DNAJC1: variants seen among roughly 807,000 people sequenced by gnomAD.
DNAJC1 encodes dnaJ homolog subfamily C member 1.
Under a neutral mutation model 76.6 loss-of-function variants are expected in DNAJC1, and 58 were observed. The ratio of observed to expected loss-of-function variants is 0.76; its 90% CI spans 0.61 to 0.94. The LOEUF is 0.94. DNAJC1 is among the 40% of genes least tolerant of loss of function. The probability of loss-of-function intolerance (pLI) is 0.00; values close to 1 mark genes in which losing one functional copy is unlikely to be tolerated. For missense variants in DNAJC1, 689 were observed against 677.3 expected (o/e 1.02, Z -0.19); for synonymous variants, 258 against 267.9 (o/e 0.96, Z 0.36).
intron 1 of DNAJC1, among the ~76,000 whole-genome samples, chr10:21,964,952 C>T (rs954239057): frequency 2.6e-5 from 4 of 152,086 alleles, no homozygotes; most frequent in African/African-American, 9.7e-5. Flanking sequence ...AAATTTCTCC[C>T]TCTCTTCTGC....
Position 21,920,817 on chromosome 10 carries a change from A to T in DNAJC1, c.518T>A (p.Ile173Asn). ...TVGHYAVVWSIYLEKQLDELL... is the reference protein window; with the variant it reads ...TVGHYAVVWSNYLEKQLDELL... ...ACTTACCAGTTGTTTTTCCAGGTAG[A>T]TTGACCAAACCACAGCATAATGACC... Residue 173 changes from isoleucine to asparagine, a missense_variant, in exon 4 of 12, where the codon ATC (isoleucine) becomes AAC (asparagine). Ile to Asn is a moderately radical substitution (Grantham distance 149). Transcript: ENST00000376980. The T allele has an allele frequency of 1.2e-6, 2 of 1,610,996 alleles. No homozygotes were observed. The highest frequency in any genetic ancestry group is 1.7e-6 in the Non-Finnish European group (2 of 1,178,138).
Position 21,920,724 on chromosome 10 carries a change from G to A in DNAJC1, c.537+74C>T. The A allele has an allele frequency of 3.6e-6, 5 of 1,406,034 alleles. No homozygotes were observed. In the South Asian group the frequency reaches 4.5e-5, roughly 13 times the overall value. The allele number at this position is 1,406,034 out of a possible 1,614,324, so 87.1% of individuals were successfully genotyped here. On this transcript the variant is annotated intron_variant, in intron 4 of 11. Transcript: ENST00000376980. ...CAGAGAGAAACAGAAATTTTCATCA[G>A]TTGAAAAATAAATGTCCAAAATTCC...
intron 8 of DNAJC1, among the ~76,000 whole-genome samples, chr10:21,841,588 A>C (rs1232729799): frequency 6.6e-6 from 1 of 152,210 alleles, no homozygotes; most frequent in Non-Finnish European, 1.5e-5. Context: ...GCGATCATTA[A>C]AAAGTCAGGA....
chr10:21,916,653 C>G (rs949200734), intron 6 of DNAJC1, among the ~76,000 whole-genome samples: 1 of 152,016 alleles, frequency 6.6e-6, no homozygotes, highest in Non-Finnish European at 1.5e-5. Context: ...CAGATAACTT[C>G]GGGTGAAAAA....
At chr10:21,774,654 T>G (rs1382331446) in intron 9 of DNAJC1, among the ~76,000 whole-genome samples, 1 of 152,110 alleles carries the variant, frequency 6.6e-6, no homozygotes, top group Non-Finnish European at 1.5e-5. Flanking sequence ...TTTGTTGTAT[T>G]TTTTAGTAGA....
At position 21,898,595 on chromosome 10, in the gene DNAJC1, C is replaced by T. The variant is rs909217719; in HGVS notation, c.820+5927G>A. 6.6e-5 allele frequency among the ~76,000 whole-genome samples: 10 copies of T among 150,400 alleles called. No homozygotes were observed. The East Asian group carries it at 1.8e-3, about 26-fold the overall frequency. On this transcript the variant is annotated intron_variant, in intron 7 of 11. Transcript: ENST00000376980. ...CAGACAGAGTCTTGCTCTTGTTGCC[C>T]AGGCTGGAGTGCAATGGCGCGATCT...
intron 6 of DNAJC1, among the ~76,000 whole-genome samples, chr10:21,907,918 C>T (rs1457570451): frequency 4.1e-5 from 6 of 145,866 alleles, no homozygotes; most frequent in Non-Finnish European, 7.4e-5. Flanking sequence ...GTGGAGGTTG[C>T]AGTGAGCCAA....
At chr10:21,947,556 T>G (rs1000296713) in intron 1 of DNAJC1, among the ~76,000 whole-genome samples, 14 of 152,230 alleles carry the variant, frequency 9.2e-5, no homozygotes, top group Admixed American at 2.0e-4. Context: ...AAGAATACAG[T>G]ATATGATACA....
At chr10:21,888,974 T>C (rs927726193) in intron 7 of DNAJC1, among the ~76,000 whole-genome samples, 3 of 152,160 alleles carry the variant, frequency 2.0e-5, no homozygotes, top group East Asian at 1.9e-4. Context: ...AAAAAATACA[T>C]AAATAAATAA....
At chr10:21,926,196 C>T (rs1479439781) in intron 3 of DNAJC1, among the ~76,000 whole-genome samples, 1 of 151,948 alleles carries the variant, frequency 6.6e-6, no homozygotes, top group East Asian at 1.9e-4. Flanking sequence ...AAGGGATCTG[C>T]CCTCCTCAGC....
chr10:21,816,841 G>C (rs553689027), intron 8 of DNAJC1, among the ~76,000 whole-genome samples: 1 of 138,036 alleles, frequency 7.2e-6, no homozygotes, highest in East Asian at 2.5e-4. Context: ...CACCACGCCC[G>C]GCCGAGACTC....
intron 9 of DNAJC1, among the ~76,000 whole-genome samples, chr10:21,766,661 G>A (rs1199142704): frequency 2.0e-5 from 3 of 151,718 alleles, no homozygotes; most frequent in African/African-American, 7.3e-5. Context: ...CACAACGGGG[G>A]CTGCCTCTTA....
chr10:21,761,049 G>A (rs1356866123), intron 10 of DNAJC1, among the ~76,000 whole-genome samples: 4 of 152,082 alleles, frequency 2.6e-5, no homozygotes, highest in Non-Finnish European at 4.4e-5. Context: ...GCATGGTGGC[G>A]CATGCCTGTC....
intron 8 of DNAJC1, among the ~76,000 whole-genome samples, chr10:21,808,888 A>T (rs1173667939): frequency 6.6e-6 from 1 of 152,242 alleles, no homozygotes; most frequent in South Asian, 2.1e-4. Context: ...TGACTATACA[A>T]GCACTCCAAT....
chr10:21,879,212 G>A (rs1368617635), intron 8 of DNAJC1, among the ~76,000 whole-genome samples: 1 of 152,194 alleles, frequency 6.6e-6, no homozygotes, highest in African/African-American at 2.4e-5. Context: ...TCACTGAGCT[G>A]CATATCTATA....
At chr10:21,793,020 A>G (rs747405805) in intron 9 of DNAJC1, among the ~76,000 whole-genome samples, 1 of 152,068 alleles carries the variant, frequency 6.6e-6, no homozygotes, top group East Asian at 1.9e-4. Context: ...AAAAGCTTCT[A>G]TGAGCCTGGG....
chr10:21,817,899 G>A lies in DNAJC1; in HGVS notation c.979-11800C>T, dbSNP rs114053788. ...TGCCTGTCTTTAATCTCTTAACCCC[G>A]TCATTTTCGTAAGCTGAGGAGGATG... is the stretch of plus-strand genomic sequence containing the variant. On this transcript the variant is annotated intron_variant, in intron 8 of 11. Transcript: ENST00000376980. 9.7e-3 allele frequency among the ~76,000 whole-genome samples: 1,470 copies of A among 152,098 alleles called. 23 individuals carry two copies. The highest frequency in any genetic ancestry group is 0.034 in the African/African-American group (1,397 of 41,512).
Position 21,761,146 on chromosome 10 carries a change from C to A in DNAJC1, c.1148-1528G>T, listed in dbSNP as rs190527571. Among the ~76,000 whole-genome samples, 34 of 152,310 alleles carry A rather than the reference C, an allele frequency of 2.2e-4. 1 individual carries two copies. The East Asian group carries it at 6.0e-3, about 27-fold the overall frequency. The stretch of plus-strand genomic sequence containing the variant: ...AGTGAGCCAAGACTGTGCCACTGCA[C>A]TCCAGCCTGGGAAACAAAGTCTTGC... On this transcript the variant is annotated intron_variant, in intron 10 of 11. Transcript: ENST00000376980.
intron 9 of DNAJC1, among the ~76,000 whole-genome samples, chr10:21,769,750 G>C (rs542340011): frequency 6.6e-6 from 1 of 152,074 alleles, no homozygotes; most frequent in East Asian, 1.9e-4. Context: ...GCAATGGAGC[G>C]ATTCCAGCTC....
Sources: allele counts gnomAD v4.1 joint callset (sites outside exome capture counted in the v4.1 genomes callset), GRCh38; gene constraint gnomAD v4.1.1; transcripts MANE v1.5; gene names NCBI Gene and HGNC (gene_info 2026-07-23, HGNC 2026-07-21).